MYO9A: variants seen among roughly 807,000 people sequenced by gnomAD.
The protein encoded by MYO9A is myosin IXA, also known as unconventional myosin-IXa.
In MYO9A, 103 loss-of-function variants were observed where a neutral mutation model predicts 293.3. That is an observed-to-expected ratio of 0.35 (90% CI 0.30 to 0.41). MYO9A has a LOEUF of 0.41. Ranked by LOEUF, MYO9A falls within the 10% of genes least tolerant of loss-of-function variation. The pLI is 1.00. For missense variants in MYO9A, 2,685 were observed against 3,033.0 expected (o/e 0.89, Z 2.69); for synonymous variants, 1,001 against 1,035.7 (o/e 0.97, Z 0.64).
In MYO9A at chr15:72,007,847, A is replaced by C; in HGVS notation, c.1359T>G (p.Pro453=). 1 of 1,612,462 alleles carries C rather than the reference A, an allele frequency of 6.2e-7. No homozygotes were observed. Among genetic ancestry groups the C allele is most frequent in the South Asian group, 1.1e-5 (1 of 90,610 alleles). The change falls in exon 8 of 42, where the codon CCT becomes CCG. Residue 453 remains proline, a synonymous_variant. Coordinates refer to ENST00000356056, the MANE Select transcript of MYO9A (RefSeq NM_006901.4). ...TCACCTCTAATAATTCTGAGACAAT[A>C]GGCAGAACTTCAGGATTACAGATAT... ...SIDICNPEVL[P]IVSELLEVKE...
At chr15:71,863,472 T>C (rs1191508799) in intron 32 of MYO9A, among the ~76,000 whole-genome samples, 3 of 151,912 alleles carry the variant, frequency 2.0e-5, no homozygotes, top group Non-Finnish European at 2.9e-5. Flanking sequence ...AAAAAAATAG[T>C]GGCAAAAGGG....
intron 32 of MYO9A, among the ~76,000 whole-genome samples, chr15:71,873,832 A>T (rs887070553): frequency 9.2e-5 from 14 of 152,182 alleles, no homozygotes; most frequent in African/African-American, 3.4e-4. Flanking sequence ...GATATGAATA[A>T]CTAATCTTTT....
At chr15:72,113,902 G>A (rs1567056164) in intron 1 of MYO9A, among the ~76,000 whole-genome samples, 2 of 152,128 alleles carry the variant, frequency 1.3e-5, no homozygotes, top group Non-Finnish European at 2.9e-5. Flanking sequence ...CTTTTAAAAC[G>A]TTTTAAAACA....
At chr15:71,983,619 A>G (rs566521716) in intron 11 of MYO9A, among the ~76,000 whole-genome samples, 5 of 151,680 alleles carry the variant, frequency 3.3e-5, no homozygotes, top group Non-Finnish European at 5.9e-5. Context: ...AGTAGCTGGG[A>G]TTGCAGGCGG....
At chr15:71,954,368 TTTTG>T (rs1262970117) in intron 14 of MYO9A, among the ~76,000 whole-genome samples, 2 of 151,828 alleles carry the variant, frequency 1.3e-5, no homozygotes, top group Non-Finnish European at 2.9e-5. Context: ...GCCTGGCTAA[TTTTG>T]TTTTTGTATT....
rs761180470 is a variant in MYO9A, at chr15:71,951,759, C to G, written c.2302+18G>C. On this transcript the variant is annotated intron_variant, in intron 15 of 41. Coordinates refer to ENST00000356056, the MANE Select transcript of MYO9A (RefSeq NM_006901.4). Reference sequence around the variant, plus strand: ...AAATGGATATGTGATAACAGTTTATCAGGATTTGTAGCCTTACTGTACTTC... The same window carrying G: ...AAATGGATATGTGATAACAGTTTATGAGGATTTGTAGCCTTACTGTACTTC... The G allele has an allele frequency of 6.8e-6, 11 of 1,613,236 alleles. No individual in the cohort carries two copies. The African/African-American group carries it at 1.1e-4, about 16-fold the overall frequency.
intron 18 of MYO9A, among the ~76,000 whole-genome samples, chr15:71,922,327 C>T (rs2058177686): frequency 1.3e-5 from 2 of 152,094 alleles, no homozygotes; most frequent in Non-Finnish European, 2.9e-5. Flanking sequence ...TTTGGTTTTT[C>T]ATCTTTTTTA....
intron 4 of MYO9A, among the ~76,000 whole-genome samples, chr15:72,023,875 C>T (rs533907751): frequency 6.6e-6 from 1 of 152,004 alleles, no homozygotes; most frequent in East Asian, 1.9e-4. Context: ...AGAGTATAAA[C>T]TCAAATCCAC....
chr15:72,077,476 G>C (rs2079389598), intron 1 of MYO9A, among the ~76,000 whole-genome samples: 1 of 152,016 alleles, frequency 6.6e-6, no homozygotes, highest in South Asian at 2.1e-4. Flanking sequence ...TGGATCATTT[G>C]AGGTCAGGAG....
rs759781665 is a variant in MYO9A at position 71,852,124 on chromosome 15, A to T, written c.6475+8T>A. 1.2e-6 allele frequency: 2 copies of T among 1,609,398 alleles called. No individual in the cohort carries two copies. Among genetic ancestry groups the T allele is most frequent in the East Asian group, 4.5e-5 (2 of 44,794 alleles). ...GCCTTCTCTCTAACCCAGGAAGCCT[A>T]TGCTTACCCATAGCTCGAAGAAATT... On this transcript the variant is annotated splice_region_variant and intron_variant, in intron 36 of 41. Coordinates refer to ENST00000356056, the MANE Select transcript of MYO9A (RefSeq NM_006901.4).
chr15:71,858,270 G>A (rs1268951715), intron 34 of MYO9A, among the ~76,000 whole-genome samples: 1 of 152,128 alleles, frequency 6.6e-6, no homozygotes, highest in African/African-American at 2.4e-5. Context: ...TATACCCAAA[G>A]GATTATGAAT....
chr15:71,884,225 C>T (rs1158208272), intron 27 of MYO9A, among the ~76,000 whole-genome samples: 2 of 152,144 alleles, frequency 1.3e-5, no homozygotes, highest in African/African-American at 2.4e-5. Flanking sequence ...CATTTCCTTC[C>T]AGTCTTTATC....
chr15:72,014,015 C>G (rs1299609672), intron 6 of MYO9A, among the ~76,000 whole-genome samples: 1 of 152,172 alleles, frequency 6.6e-6, no homozygotes, highest in Non-Finnish European at 1.5e-5. Flanking sequence ...CCATGTTGCC[C>G]AGGCTGGTCT....
intron 32 of MYO9A, among the ~76,000 whole-genome samples, chr15:71,870,038 AAGTAGCTC>A (rs1255138309): frequency 2.0e-5 from 3 of 152,166 alleles, no homozygotes; most frequent in Non-Finnish European, 4.4e-5. Flanking sequence ...ATGGCTGCAT[AAGTAGCTC>A]TGAATAATGA....
At position 71,950,025 on chromosome 15, in the gene MYO9A, A is replaced by C. The variant is rs141726599; in HGVS notation, c.2302+1752T>G. Among the ~76,000 whole-genome samples, 145 of 152,210 alleles carry C rather than the reference A, an allele frequency of 9.5e-4. 4 individuals are homozygous for C. The highest frequency in any genetic ancestry group is 8.5e-3 in the Admixed American group (130 of 15,288). On this transcript the variant is annotated intron_variant, in intron 15 of 41. Transcript: ENST00000356056. ...CTTTTAAATATTTGGTTATTTTAAA[A>C]ATTTTTTTCCAGGTTTTATCACTGT...
intron 3 of MYO9A, among the ~76,000 whole-genome samples, chr15:72,031,977 G>C (rs1166610052): frequency 6.6e-6 from 1 of 152,074 alleles, no homozygotes; most frequent in Non-Finnish European, 1.5e-5. Context: ...CACAATCTCA[G>C]CTCACTGCAA....
intron 8 of MYO9A, among the ~76,000 whole-genome samples, chr15:72,003,337 A>G (rs1278725157): frequency 2.4e-4 from 36 of 151,904 alleles, no homozygotes; most frequent in Admixed American, 2.4e-3. Context: ...AAAAACTAAG[A>G]AACACAAATA....
chr15:71,851,514 A>T lies in MYO9A; in HGVS notation c.6476-156T>A, dbSNP rs16956328. Among the ~76,000 whole-genome samples the T allele has an allele frequency of 0.2, 30,498 of 152,056 alleles. 3,305 individuals are homozygous for T. Among genetic ancestry groups the T allele is most frequent in the East Asian group, 0.41 (2,125 of 5,168 alleles). On this transcript the variant is annotated intron_variant, in intron 36 of 41. Transcript: ENST00000356056. ...AAGAGCAACTCACAGTAACTATTTA[A>T]CTCCTTTTGCTTGAGTTCTATATTC...
At chr15:71,870,235 A>G (rs1596071851) in intron 32 of MYO9A, among the ~76,000 whole-genome samples, 1 of 152,214 alleles carries the variant, frequency 6.6e-6, no homozygotes, top group East Asian at 1.9e-4. Context: ...AAAAGTGGTA[A>G]AAGTTCCAAA....
Sources: gnomAD v4.1 joint callset for allele counts (sites outside exome capture counted in the v4.1 genomes callset) on GRCh38, gnomAD v4.1.1 for gene constraint, MANE v1.5 for transcripts, NCBI Gene and HGNC (gene_info 2026-07-23, HGNC 2026-07-21) for gene names.